The following BCAS3 variants were observed in gnomAD, a reference collection of about 807,000 sequenced individuals.
BCAS3 encodes the protein BCAS4/BCAS3 fusion.
A neutral mutation model predicts 116.1 loss-of-function variants in BCAS3; 53 were observed. That is an observed-to-expected ratio of 0.46 (90% CI 0.37 to 0.57). The LOEUF is 0.57. Among genes scored for constraint, BCAS3 ranks in the 20% least tolerant of loss-of-function variants. BCAS3 has a pLI of 0.00. For synonymous variants in BCAS3, 391 were observed against 408.2 expected (o/e 0.96, Z 0.51); for missense variants, 917 against 1,165.4 (o/e 0.79, Z 3.10).
intron 11 of BCAS3, among the ~76,000 whole-genome samples, chr17:60,909,066 TTC>T (rs2058345709): frequency 6.6e-6 from 1 of 152,166 alleles, no homozygotes; most frequent in African/African-American, 2.4e-5. Flanking sequence ...AGCCTCGATT[TTC>T]TCTTTCATAA....
At chr17:60,870,433 G>T (rs1365572122) in intron 8 of BCAS3, among the ~76,000 whole-genome samples, 1 of 152,146 alleles carries the variant, frequency 6.6e-6, no homozygotes, top group Non-Finnish European at 1.5e-5. Context: ...GATCAAAAGG[G>T]TCTCGGGAAG....
chr17:60,736,079 C>T (rs188988447), intron 5 of BCAS3, among the ~76,000 whole-genome samples: 1 of 152,126 alleles, frequency 6.6e-6, no homozygotes, highest in African/African-American at 2.4e-5. Context: ...ACTTCGTCAC[C>T]CAGGCTGGAG....
At chr17:61,292,987 T>C (rs985630555) in intron 22 of BCAS3, among the ~76,000 whole-genome samples, 81 of 152,198 alleles carry the variant, frequency 5.3e-4, no homozygotes, top group Admixed American at 1.5e-3. Context: ...CAGAAGAAGG[T>C]TATTTATGGG....
At chr17:60,695,490 G>A (rs2035476345) in intron 4 of BCAS3, among the ~76,000 whole-genome samples, 1 of 152,166 alleles carries the variant, frequency 6.6e-6, no homozygotes, top group Admixed American at 6.6e-5. Flanking sequence ...TGGGAACAAT[G>A]CTGTAATGAA....
intron 22 of BCAS3, among the ~76,000 whole-genome samples, chr17:61,234,528 A>G (rs2082876350): frequency 6.6e-6 from 1 of 151,932 alleles, no homozygotes; most frequent in Non-Finnish European, 1.5e-5. Context: ...AAATCAATAG[A>G]CCTCCCTCCC....
intron 19 of BCAS3, among the ~76,000 whole-genome samples, chr17:61,053,243 A>G (rs2069050990): frequency 6.6e-6 from 1 of 152,170 alleles, no homozygotes. Flanking sequence ...TTCCCAAACA[A>G]ATTTTGTACT....
chr17:60,867,192 G>A (rs928032059), intron 7 of BCAS3, among the ~76,000 whole-genome samples: 25 of 151,256 alleles, frequency 1.7e-4, no homozygotes, highest in Non-Finnish European at 2.7e-4. Flanking sequence ...CTGCAACTCC[G>A]CCTCCCAGGT....
chr17:61,350,305 C>T (rs1038376032), intron 22 of BCAS3, among the ~76,000 whole-genome samples: 46 of 151,960 alleles, frequency 3.0e-4, no homozygotes, highest in African/African-American at 1.1e-3. Flanking sequence ...ATCCCAGCTA[C>T]TCAGGAGGCT....
chr17:60,859,443 G>T (rs574343252), intron 7 of BCAS3, among the ~76,000 whole-genome samples: 1 of 152,210 alleles, frequency 6.6e-6, no homozygotes, highest in Non-Finnish European at 1.5e-5. Flanking sequence ...AGAGCATTCT[G>T]TATTAGGTTT....
intron 22 of BCAS3, among the ~76,000 whole-genome samples, chr17:61,255,611 G>A (rs2048719383): frequency 6.6e-6 from 1 of 152,194 alleles, no homozygotes; most frequent in African/African-American, 2.4e-5. Context: ...ACTTGGCTTT[G>A]TACTTTTGTC....
intron 5 of BCAS3, among the ~76,000 whole-genome samples, chr17:60,735,531 A>G (rs942109396): frequency 1.3e-5 from 2 of 151,676 alleles, no homozygotes; most frequent in Admixed American, 6.6e-5. Context: ...TCAGCTCACT[A>G]CAACCCCTGC....
chr17:60,871,786 T>G (rs755738425), intron 8 of BCAS3, among the ~76,000 whole-genome samples: 1 of 152,098 alleles, frequency 6.6e-6, no homozygotes, highest in Non-Finnish European at 1.5e-5. Context: ...CTGGATTTAA[T>G]TTTTGCAGCT....
chr17:60,740,230 C>T (rs1049565339), intron 5 of BCAS3, among the ~76,000 whole-genome samples: 12 of 151,930 alleles, frequency 7.9e-5, no homozygotes, highest in African/African-American at 2.7e-4. Flanking sequence ...TGTGGTGGCT[C>T]ACACCTGTAA....
rs890463958 is a variant in BCAS3 at position 60,960,303 on chromosome 17, A to C, written c.1221+12951A>C. ...ATCGGCTCAAAGGTCCAATCTTATC[A>C]TCTCAATCATCTGACTCTGGTATGG... On this transcript the variant is annotated intron_variant, in intron 14 of 23. Coordinates refer to ENST00000407086, the MANE Select transcript of BCAS3 (RefSeq NM_017679.5). This position sits in a 1 kb window ranked among gnomAD's most constrained non-coding sequence, Gnocchi z 4.1. Among the ~76,000 whole-genome samples, 1 of 152,134 alleles carries C rather than the reference A, an allele frequency of 6.6e-6. No individual in the cohort carries two copies. The highest frequency in any genetic ancestry group is 2.4e-5 in the African/African-American group (1 of 41,426).
chr17:60,893,021 CA>C (rs1367615203), intron 10 of BCAS3, among the ~76,000 whole-genome samples: 4 of 151,882 alleles, frequency 2.6e-5, no homozygotes, highest in African/African-American at 4.8e-5. Context: ...TGATGTTGAA[CA>C]TTTTTTTTTC....
chr17:61,083,356 A>G lies in BCAS3; in HGVS notation c.2328-1111A>G, dbSNP rs935914950. On this transcript the variant is annotated intron_variant, in intron 21 of 23. Coordinates refer to ENST00000407086, the MANE Select transcript of BCAS3 (RefSeq NM_017679.5). This position sits in a 1 kb window ranked among gnomAD's most constrained non-coding sequence, Gnocchi z 4.9. Reference sequence around the variant, plus strand: ...ATATATACACATTGGTCTGTATTTTATGTTTTGTTTCTGCTTGTTCTCAGA... The same window carrying G: ...ATATATACACATTGGTCTGTATTTTGTGTTTTGTTTCTGCTTGTTCTCAGA... 3.5e-4 allele frequency among the ~76,000 whole-genome samples: 52 copies of G among 148,766 alleles called. No individual in the cohort carries two copies. The highest frequency in any genetic ancestry group is 1.2e-3 in the African/African-American group (46 of 38,436).
At chr17:60,976,859 A>T (rs1234048847) in intron 14 of BCAS3, among the ~76,000 whole-genome samples, 2 of 152,162 alleles carry the variant, frequency 1.3e-5, no homozygotes, top group African/African-American at 4.8e-5. Flanking sequence ...ACACAGTAAC[A>T]ATCTGATCTC....
intron 22 of BCAS3, among the ~76,000 whole-genome samples, chr17:61,351,732 CAGG>C (rs1047585953): frequency 1.3e-5 from 2 of 152,142 alleles, no homozygotes; most frequent in African/African-American, 4.8e-5. Context: ...ATGGCTTAAC[CAGG>C]AGGATGTAAG....
chr17:60,851,285 C>T, intron 7 of BCAS3: 2 of 292,244 alleles, frequency 6.8e-6, no homozygotes, highest in Non-Finnish European at 1.4e-5. Context: ...GCTCGGGCTG[C>T]AGGAGGAGTG....
Sources: allele counts gnomAD v4.1 joint callset (sites outside exome capture counted in the v4.1 genomes callset), GRCh38; gene constraint gnomAD v4.1.1; non-coding constraint Gnocchi (gnomAD v3.1); transcripts MANE v1.5; gene names NCBI Gene and HGNC (gene_info 2026-07-23, HGNC 2026-07-21).